PLEKHM3: variants seen among roughly 807,000 people sequenced by gnomAD.
PLEKHM3 encodes the protein pleckstrin homology domain containing M3.
Under a neutral mutation model 81.8 loss-of-function variants are expected in PLEKHM3, and 45 were observed. That is an observed-to-expected ratio of 0.55 (90% CI 0.43 to 0.71). PLEKHM3 has a LOEUF of 0.71. Ranked by LOEUF, PLEKHM3 falls within the 30% of genes least tolerant of loss-of-function variation. The pLI is 0.00. For synonymous variants in PLEKHM3, 352 were observed against 356.4 expected, an observed-to-expected ratio of 0.99 and a Z score of 0.14; for missense variants, 788 against 924.3, an observed-to-expected ratio of 0.85 and a Z score of 1.91.
At chr2:207,911,575 G>A (rs1245345611) in intron 5 of PLEKHM3, among the ~76,000 whole-genome samples, 1 of 152,258 alleles carries the variant, frequency 6.6e-6, no homozygotes, top group African/African-American at 2.4e-5. Flanking sequence ...AACTAGGGCA[G>A]TCTTTCAGTG....
rs1049643508 is a variant in PLEKHM3, at chr2:207,861,014, C to T, written c.2108+91G>A. On this transcript the variant is annotated intron_variant, in intron 7 of 7. Coordinates refer to ENST00000427836, the MANE Select transcript of PLEKHM3 (RefSeq NM_001080475.3). ...TGATCCAGGGTAAGAGACAGAGATA[C>T]ACTACTTGACTAAAAGTTGGCCTGA... 9.3e-6 allele frequency: 13 copies of T among 1,401,900 alleles called. No homozygotes were observed. The East Asian group carries it at 1.8e-4, about 20-fold the overall frequency. 86.8% of individuals were successfully genotyped at this position (1,401,900 alleles called of 1,614,324 possible).
intron 5 of PLEKHM3, among the ~76,000 whole-genome samples, chr2:207,925,074 A>T (rs1689342463): frequency 6.6e-6 from 1 of 152,074 alleles, no homozygotes; most frequent in Admixed American, 6.5e-5. Context: ...GCAAAAGGGA[A>T]ATGGAGACAG....
chr2:207,864,301 C>T (rs2092484109), intron 6 of PLEKHM3, among the ~76,000 whole-genome samples: 1 of 152,164 alleles, frequency 6.6e-6, no homozygotes, highest in African/African-American at 2.4e-5. Context: ...GTAAGGCATG[C>T]TCCTAATACC....
At chr2:207,952,820 T>C (rs1422523485) in intron 3 of PLEKHM3, among the ~76,000 whole-genome samples, 1 of 152,142 alleles carries the variant, frequency 6.6e-6, no homozygotes, top group Non-Finnish European at 1.5e-5. Context: ...AAACTGAAGC[T>C]ATAGAATTCT....
intron 7 of PLEKHM3, among the ~76,000 whole-genome samples, chr2:207,841,961 GGA>G (rs1461558468): frequency 2.0e-4 from 31 of 151,866 alleles, no homozygotes; most frequent in Admixed American, 2.0e-3. Flanking sequence ...TTTTTGAGAC[GGA>G]GTCTCTCTCT....
chr2:207,980,430 C>T (rs773015473), intron 2 of PLEKHM3, among the ~76,000 whole-genome samples: 6 of 152,108 alleles, frequency 3.9e-5, no homozygotes, highest in Non-Finnish European at 5.9e-5. Flanking sequence ...GCACTGGGTA[C>T]CAACATTTTT....
chr2:207,907,021 T>C (rs2105898871), intron 6 of PLEKHM3, among the ~76,000 whole-genome samples: 1 of 152,292 alleles, frequency 6.6e-6, no homozygotes, highest in Admixed American at 6.5e-5. Context: ...TGAGATACTC[T>C]GAAAGTTGTC....
chr2:207,853,780 A>T (rs1049270475), intron 7 of PLEKHM3, among the ~76,000 whole-genome samples: 5 of 148,254 alleles, frequency 3.4e-5, no homozygotes, highest in South Asian at 2.2e-4. Context: ...TATTATTATT[A>T]TTTTTTTTTT....
chr2:208,024,454 C>G (rs1693246496), intron 1 of PLEKHM3, among the ~76,000 whole-genome samples: 1 of 152,146 alleles, frequency 6.6e-6, no homozygotes, highest in Non-Finnish European at 1.5e-5. Flanking sequence ...ATATTCATCT[C>G]CTGTCTAAAA....
chr2:207,969,321 C>A (rs956155416), intron 3 of PLEKHM3, among the ~76,000 whole-genome samples: 2 of 152,192 alleles, frequency 1.3e-5, no homozygotes, highest in African/African-American at 2.4e-5. Context: ...ACATGATTTA[C>A]CCAGAAGCCA....
At chr2:207,919,238 A>G (rs1399209079) in intron 5 of PLEKHM3, among the ~76,000 whole-genome samples, 4 of 152,184 alleles carry the variant, frequency 2.6e-5, no homozygotes, top group African/African-American at 9.7e-5. Context: ...CCAGCTTGGT[A>G]TGACCAAGGA....
At chr2:207,855,146 G>A (rs894510230) in intron 7 of PLEKHM3, among the ~76,000 whole-genome samples, 2 of 152,140 alleles carry the variant, frequency 1.3e-5, no homozygotes, top group Non-Finnish European at 2.9e-5. Flanking sequence ...CCTAGGATTA[G>A]GGCAGGAAAT....
intron 7 of PLEKHM3, among the ~76,000 whole-genome samples, chr2:207,832,015 C>T (rs1014915696): frequency 6.6e-6 from 1 of 152,208 alleles, no homozygotes. Flanking sequence ...CAGTACCACT[C>T]CCTTATCTCT....
chr2:207,976,735 G>T lies in PLEKHM3; in HGVS notation c.1462C>A (p.Gln488Lys). 6.2e-7 allele frequency: 1 copy of T among 1,614,236 alleles called. No homozygotes were observed. The highest frequency in any genetic ancestry group is 8.5e-7 in the Non-Finnish European group (1 of 1,180,044). ...CTCAGGAAGCTGGTAGTCACAGATT[G>T]GCGTTTGTTCTTCCTGAGTTCATGC... ...GGHELRKNKR[Q>K]SVTTSFLSIL... is the part of the protein sequence containing the mutation. Residue 488 changes from glutamine to lysine, a missense_variant, in exon 3 of 8, where the codon CAA becomes AAA. By Grantham distance (53) the Gln-to-Lys change is moderately conservative (BLOSUM62 1). Coordinates refer to ENST00000427836, the MANE Select transcript of PLEKHM3 (RefSeq NM_001080475.3). This position sits in a 1 kb window ranked among gnomAD's most constrained non-coding sequence, Gnocchi z 4.1.
intron 2 of PLEKHM3, among the ~76,000 whole-genome samples, chr2:207,986,024 A>C (rs13006024): frequency 0.58 from 86,932 of 150,888 alleles, 28,458 homozygotes; most frequent in Non-Finnish European, 0.73. Flanking sequence ...TCCAGATCAC[A>C]ATAAATGAAA....
At chr2:208,024,126 G>C (rs969178917) in intron 1 of PLEKHM3, among the ~76,000 whole-genome samples, 2 of 132,400 alleles carry the variant, frequency 1.5e-5, no homozygotes, top group African/African-American at 3.3e-5. Context: ...CCGAATGACA[G>C]AGTAAGACCC....
At chr2:208,024,662 T>G (rs988264469) in intron 1 of PLEKHM3, among the ~76,000 whole-genome samples, 1 of 152,202 alleles carries the variant, frequency 6.6e-6, no homozygotes, top group African/African-American at 2.4e-5. Flanking sequence ...TACGATTACT[T>G]AAAATATAGA....
intron 3 of PLEKHM3, among the ~76,000 whole-genome samples, chr2:207,968,061 T>A (rs1690978765): frequency 6.6e-6 from 1 of 151,870 alleles, no homozygotes; most frequent in African/African-American, 2.4e-5. Context: ...CATACTACAA[T>A]CTCTGATAAC....
At chr2:207,897,587 C>T (rs777542201) in intron 6 of PLEKHM3, among the ~76,000 whole-genome samples, 34 of 152,106 alleles carry the variant, frequency 2.2e-4, no homozygotes, top group Non-Finnish European at 4.0e-4. Context: ...TGGGGTGAGT[C>T]GGCATTTGAA....
Sources: allele counts gnomAD v4.1 joint callset (sites outside exome capture counted in the v4.1 genomes callset), GRCh38; gene constraint gnomAD v4.1.1; non-coding constraint Gnocchi (gnomAD v3.1); transcripts MANE v1.5; gene names NCBI Gene and HGNC (gene_info 2026-07-23, HGNC 2026-07-21).